Variants in ANKRD36 observed in about 807,000 individuals in gnomAD.
ANKRD36 encodes the protein ankyrin repeat domain-containing protein 36A.
Under a neutral mutation model 278.1 loss-of-function variants are expected in ANKRD36, and 179 were observed. The ratio of observed to expected loss-of-function variants is 0.64; its 90% confidence interval spans 0.57 to 0.73. The LOEUF (loss-of-function observed/expected upper bound fraction) is 0.73, where lower values mean the gene tolerates loss of function less well. Among genes scored for constraint, ANKRD36 ranks in the 30% least tolerant of loss-of-function variants. The probability of loss-of-function intolerance (pLI) is 0.00; values close to 1 mark genes in which losing one functional copy is unlikely to be tolerated. For missense variants in ANKRD36, 1,159 were observed against 1,956.7 expected, an observed-to-expected ratio of 0.59 and a Z score of 7.69; for synonymous variants, 320 against 641.1, an observed-to-expected ratio of 0.50 and a Z score of 7.57.
chr2:97,147,593 G>T (rs761717022), intron 11 of ANKRD36, among the ~76,000 whole-genome samples: 1 of 148,880 alleles, frequency 6.7e-6, no homozygotes, highest in African/African-American at 2.5e-5. Flanking sequence ...TTGCACTCAG[G>T]TTTCTTAGTT....
At chr2:97,203,055 A>T (rs979756851) in intron 48 of ANKRD36, among the ~76,000 whole-genome samples, 13 of 151,806 alleles carry the variant, frequency 8.6e-5, no homozygotes, top group African/African-American at 2.4e-4. Flanking sequence ...TCCCCTTTGT[A>T]ACTATTAGGC....
Position 97,217,630 on chromosome 2 carries a change from T to C in ANKRD36, c.3775+258T>C, listed in dbSNP as rs1222808754. ...GGAAAACAGTTCAAGACATAAGAGA[T>C]AAGAGGATCCGGGGACAGCATAATT... On this transcript the variant is annotated intron_variant, in intron 64 of 75. Transcript: ENST00000420699. Among the ~76,000 whole-genome samples the C allele has an allele frequency of 2.0e-5, 3 of 152,226 alleles. No individual in the cohort carries two copies. In the East Asian group the frequency reaches 5.9e-4, roughly 30 times the overall value.
chr2:97,237,186 G>A (rs1224957429), intron 68 of ANKRD36, among the ~76,000 whole-genome samples: 2 of 151,386 alleles, frequency 1.3e-5, no homozygotes, highest in Non-Finnish European at 2.9e-5. Context: ...TTTTAGACCA[G>A]TTTTATGTTC....
chr2:97,182,401 T>C (rs1407920777), intron 26 of ANKRD36, among the ~76,000 whole-genome samples: 1 of 142,616 alleles, frequency 7.0e-6, no homozygotes, highest in African/African-American at 2.5e-5. Context: ...GTACTAGAAC[T>C]GGGATAAACC....
At chr2:97,127,578 TGAA>T (rs1251677796) in intron 6 of ANKRD36, among the ~76,000 whole-genome samples, 1 of 151,858 alleles carries the variant, frequency 6.6e-6, no homozygotes, top group Non-Finnish European at 1.5e-5. Context: ...CCCATGCTGT[TGAA>T]AATACGTATT....
rs572569849 is a variant in ANKRD36 at position 97,199,063 on chromosome 2, A to G, written c.2755+405A>G. Among the ~76,000 whole-genome samples, 54 of 152,008 alleles carry G rather than the reference A, an allele frequency of 3.6e-4. 2 individuals carry two copies. In the South Asian group the frequency reaches 7.7e-3, roughly 22 times the overall value. On this transcript the variant is annotated intron_variant, in intron 44 of 75. Transcript: ENST00000420699. ...TGTTGTAACAACCCGTAGACACTGT[A>G]GGAGAACTAAGGAGACCCCTGGTGT...
At chr2:97,202,090 G>T (rs1267540404) in intron 46 of ANKRD36, 112 bp from the exon 47 acceptor site, 38 of 1,565,420 alleles carry the variant, frequency 2.4e-5, no homozygotes, top group African/African-American at 4.1e-5. Context: ...AGCCATGAAG[G>T]CCTATGCTAA....
At chr2:97,177,777 C>A (rs1242851822) in intron 22 of ANKRD36, among the ~76,000 whole-genome samples, 1 of 151,896 alleles carries the variant, frequency 6.6e-6, no homozygotes, top group Admixed American at 6.6e-5. Context: ...GCAAGGACTT[C>A]ATGTCTAAAA....
At chr2:97,242,135 C>CA (rs1356139705) in intron 69 of ANKRD36, among the ~76,000 whole-genome samples, 1 of 150,012 alleles carries the variant, frequency 6.7e-6, no homozygotes, top group Non-Finnish European at 1.5e-5. Flanking sequence ...ACTAAAAATA[C>CA]AAAAAATTAG....
rs1200113560 is a variant in ANKRD36 at position 97,233,798 on chromosome 2, G to A, written c.4020G>A (p.Glu1340=). ...TTCAGTCATCTCAAACAGTCTCAGA[G>A]GACGGTGACTCGCTTTGCTGTAATT... The part of the protein sequence containing the change: ...DIIQSSQTVS[E]DGDSLCCNCK... The change falls in exon 68 of 76, where the codon GAG becomes GAA. Residue 1340 remains glutamate (E), a synonymous_variant. Transcript: ENST00000420699. 7 of 1,476,022 alleles carry A rather than the reference G, an allele frequency of 4.7e-6. No homozygotes were observed. The South Asian group carries it at 8.0e-5, about 17-fold the overall frequency. The allele number at this position is 1,476,022 out of a possible 1,614,324, so 91.4% of individuals were successfully genotyped here. A position where few individuals can be genotyped will look rare whatever the true frequency, so the allele number is the denominator to read the frequency against.
At chr2:97,214,401 G>A (rs917942450) in intron 60 of ANKRD36, among the ~76,000 whole-genome samples, 1 of 147,256 alleles carries the variant, frequency 6.8e-6, no homozygotes, top group Non-Finnish European at 1.5e-5. Context: ...GGATAAAATA[G>A]GTATTTAATG....
chr2:97,204,335 A>C, intron 50 of ANKRD36, 72 bp downstream of exon 50: 1 of 1,462,342 alleles, frequency 6.8e-7, no homozygotes, highest in Non-Finnish European at 9.2e-7. Context: ...TGAATAAATC[A>C]GCGGGGGGCT....
At chr2:97,216,449 CT>C (rs1268920392) in intron 62 of ANKRD36, among the ~76,000 whole-genome samples, 1 of 152,068 alleles carries the variant, frequency 6.6e-6, no homozygotes, top group African/African-American at 2.4e-5. Context: ...AGCAGTTTTA[CT>C]TTGTAGAAGT....
intron 44 of ANKRD36, 48 bp from the exon 45 acceptor site, chr2:97,200,273 ATCTATGGATAATT>A: frequency 2.5e-6 from 4 of 1,605,492 alleles, no homozygotes; most frequent in Non-Finnish European, 3.4e-6. Flanking sequence ...CACTGTGTGA[ATCTATGGATAATT>A]TTATCATGTT....
At chr2:97,226,343 T>A (rs1188085590) in intron 67 of ANKRD36, among the ~76,000 whole-genome samples, 2 of 151,970 alleles carry the variant, frequency 1.3e-5, no homozygotes, top group African/African-American at 4.8e-5. Flanking sequence ...GGTATCTCAT[T>A]GTGGTTTTGA....
rs768741997 is a variant in ANKRD36, at chr2:97,192,716, G to C, written c.2348-142G>C. On this transcript the variant is annotated intron_variant, in intron 36 of 75. Coordinates refer to ENST00000420699, the MANE Select transcript of ANKRD36 (RefSeq NM_001354587.1). ...TTCAGTGTATTTCTGTCACGTTCTAGTCCCCAGACTAAAAGTAGAAGCCAT... is the reference window on the plus strand; with the variant it reads ...TTCAGTGTATTTCTGTCACGTTCTACTCCCCAGACTAAAAGTAGAAGCCAT... The C allele has an allele frequency of 8.8e-5, 107 of 1,217,880 alleles. 1 individual carries two copies. The highest frequency in any genetic ancestry group is 1.1e-4 in the Non-Finnish European group (94 of 859,000). The allele number at this position is 1,217,880 out of a possible 1,614,324, so 75.4% of individuals were successfully genotyped here. A position where few individuals can be genotyped will look rare whatever the true frequency, so the allele number is the denominator to read the frequency against.
chr2:97,130,730 C>G (rs2039929824), intron 6 of ANKRD36, among the ~76,000 whole-genome samples: 1 of 151,974 alleles, frequency 6.6e-6, no homozygotes, highest in African/African-American at 2.4e-5. Flanking sequence ...TAGTGCAATT[C>G]CCTTTTCATG....
At chr2:97,199,665 C>A (rs868465587) in intron 44 of ANKRD36, among the ~76,000 whole-genome samples, 1 of 151,848 alleles carries the variant, frequency 6.6e-6, no homozygotes, top group Non-Finnish European at 1.5e-5. Context: ...AATATATTAT[C>A]CTTCGGTGCC....
At chr2:97,222,476 C>G (rs2068035605) in intron 66 of ANKRD36, among the ~76,000 whole-genome samples, 1 of 152,104 alleles carries the variant, frequency 6.6e-6, no homozygotes, top group South Asian at 2.1e-4. Flanking sequence ...TCTCCACATC[C>G]TCACCAGCAT....
Sources: allele counts gnomAD v4.1 joint callset (sites outside exome capture counted in the v4.1 genomes callset), GRCh38; gene constraint gnomAD v4.1.1; transcripts MANE v1.5; gene names NCBI Gene and HGNC (gene_info 2026-07-23, HGNC 2026-07-21).